The following SEMA3A variants were observed in gnomAD, a reference collection of about 807,000 sequenced individuals.
SEMA3A encodes semaphorin-3A.
In SEMA3A, 29 loss-of-function variants were observed where a neutral mutation model predicts 97.9. That is an observed-to-expected ratio of 0.30 (90% CI 0.22 to 0.40). The LOEUF is 0.40. Among genes scored for constraint, SEMA3A ranks in the 10% least tolerant of loss-of-function variants. SEMA3A has a pLI of 1.00. For synonymous variants in SEMA3A, 321 were observed against 323.7 expected (o/e 0.99, Z 0.09); for missense variants, 763 against 951.3 (o/e 0.80, Z 2.60).
intron 3 of SEMA3A, among the ~76,000 whole-genome samples, chr7:84,210,734 TC>T (rs1392707597): frequency 1.3e-5 from 2 of 152,008 alleles, no homozygotes; most frequent in African/African-American, 4.8e-5. Context: ...TTTTCTTTTT[TC>T]TTTTTTTTTT....
chr7:84,287,348 T>A (rs1800616703), intron 3 of SEMA3A, among the ~76,000 whole-genome samples: 2 of 152,096 alleles, frequency 1.3e-5, no homozygotes, highest in African/African-American at 4.8e-5. Flanking sequence ...TTTAAAAATT[T>A]TTCCTTACTC....
intron 1 of SEMA3A, among the ~76,000 whole-genome samples, chr7:84,490,219 AT>A (rs1271339306): frequency 2.0e-5 from 3 of 150,138 alleles, no homozygotes; most frequent in Admixed American, 1.3e-4. Context: ...AAAAAAAAAA[AT>A]TAACTGGAAA....
chr7:84,443,099 C>T (rs1805311377), intron 1 of SEMA3A, among the ~76,000 whole-genome samples: 1 of 152,060 alleles, frequency 6.6e-6, no homozygotes, highest in East Asian at 1.9e-4. Context: ...ATTTAAACAA[C>T]ACAACAAATG....
chr7:84,170,122 T>C (rs1470047610), intron 1 of SEMA3A, among the ~76,000 whole-genome samples: 1 of 151,948 alleles, frequency 6.6e-6, no homozygotes, highest in East Asian at 1.9e-4. Context: ...CAGGTGAAAA[T>C]AGCTTTGTTA....
intron 1 of SEMA3A, among the ~76,000 whole-genome samples, chr7:84,400,950 A>C (rs1803883972): frequency 6.6e-6 from 1 of 152,200 alleles, no homozygotes; most frequent in Non-Finnish European, 1.5e-5. Context: ...TTTTCCTGTA[A>C]GAACTGGAAC....
chr7:84,108,890 G>A (rs1457442635), intron 4 of SEMA3A, among the ~76,000 whole-genome samples: 4 of 141,006 alleles, frequency 2.8e-5, no homozygotes, highest in Non-Finnish European at 6.0e-5. Flanking sequence ...GGGCAACAGA[G>A]TGAGACTCCA....
At chr7:84,179,160 A>C (rs1025540636) in intron 1 of SEMA3A, among the ~76,000 whole-genome samples, 2 of 152,160 alleles carry the variant, frequency 1.3e-5, no homozygotes, top group Non-Finnish European at 2.9e-5. Flanking sequence ...TTGGTGCAGA[A>C]CATATCGTAC....
intron 2 of SEMA3A, among the ~76,000 whole-genome samples, chr7:84,315,136 T>C (rs113747987): frequency 1.3e-5 from 2 of 152,076 alleles, no homozygotes; most frequent in East Asian, 1.9e-4. Flanking sequence ...CTCCAAAAGA[T>C]TAAACATTGT....
intron 1 of SEMA3A, among the ~76,000 whole-genome samples, chr7:84,398,193 T>C (rs1803789188): frequency 6.6e-6 from 1 of 152,182 alleles, no homozygotes; most frequent in Admixed American, 6.6e-5. Flanking sequence ...CAACAGGTCT[T>C]TTAAGACACC....
chr7:84,023,023 G>A (rs1791385928), intron 6 of SEMA3A, among the ~76,000 whole-genome samples: 1 of 152,018 alleles, frequency 6.6e-6, no homozygotes, highest in Admixed American at 6.6e-5. Context: ...CCACCCCCTT[G>A]ACATTCTTCC....
chr7:84,184,621 C>CTT (rs34241167), intron 1 of SEMA3A, among the ~76,000 whole-genome samples: 11 of 145,810 alleles, frequency 7.5e-5, no homozygotes, highest in East Asian at 2.0e-4. Flanking sequence ...GGGAGAAATC[C>CTT]TTTTTTTTTT....
intron 15 of SEMA3A, among the ~76,000 whole-genome samples, chr7:83,966,062 T>C (rs1414955155): frequency 2.0e-5 from 3 of 152,020 alleles, no homozygotes; most frequent in Non-Finnish European, 2.9e-5. Flanking sequence ...CAGAGATAAT[T>C]TTCTGGTAAT....
At chr7:84,101,759 T>C (rs1196832873) in intron 4 of SEMA3A, among the ~76,000 whole-genome samples, 1 of 152,136 alleles carries the variant, frequency 6.6e-6, no homozygotes, top group Non-Finnish European at 1.5e-5. Context: ...CATTCTATCT[T>C]TGCTTTACTT....
At chr7:84,046,545 T>A in intron 5 of SEMA3A, 102 bp from the exon 6 acceptor site, 1 of 1,366,798 alleles carries the variant, frequency 7.3e-7, no homozygotes, top group Non-Finnish European at 1.0e-6. Flanking sequence ...ATGACCATGC[T>A]AAGAGGAAAA....
chr7:84,385,231 C>A (rs1803368281), intron 1 of SEMA3A, among the ~76,000 whole-genome samples: 3 of 152,124 alleles, frequency 2.0e-5, no homozygotes, highest in Admixed American at 2.0e-4. Flanking sequence ...GGGTGCTGAG[C>A]TGATGAGGAG....
At chr7:84,300,187 C>T (rs1182192020) in intron 3 of SEMA3A, among the ~76,000 whole-genome samples, 1 of 150,512 alleles carries the variant, frequency 6.6e-6, no homozygotes, top group African/African-American at 2.4e-5. Flanking sequence ...ATTAGTGGAT[C>T]AATTAAAGAA....
intron 1 of SEMA3A, among the ~76,000 whole-genome samples, chr7:84,474,164 G>A (rs1037483749): frequency 6.6e-6 from 1 of 151,936 alleles, no homozygotes; most frequent in African/African-American, 2.4e-5. Flanking sequence ...TTAGAGAAAA[G>A]AGCTAAACCT....
intron 3 of SEMA3A, among the ~76,000 whole-genome samples, chr7:84,261,781 GC>G (rs1422241757): frequency 1.5e-4 from 23 of 152,254 alleles, no homozygotes; most frequent in Admixed American, 8.5e-4. Flanking sequence ...GCTGAGCACA[GC>G]CTGCAATGCC....
intron 2 of SEMA3A, among the ~76,000 whole-genome samples, chr7:84,311,272 A>C (rs185950385): frequency 9.5e-4 from 144 of 152,134 alleles, no homozygotes; most frequent in African/African-American, 3.4e-3. Context: ...TGAATAGAAC[A>C]GTGCCCTTCA....
Sources: gnomAD v4.1 joint callset for allele counts (sites outside exome capture counted in the v4.1 genomes callset) on GRCh38, gnomAD v4.1.1 for gene constraint, MANE v1.5 for transcripts, NCBI Gene and HGNC (gene_info 2026-07-23, HGNC 2026-07-21) for gene names.